The following NOC3L variants were observed in gnomAD, a reference collection of about 807,000 sequenced individuals.
NOC3L encodes NOC3 like DNA replication regulator.
In NOC3L, 85 loss-of-function variants were observed where a neutral mutation model predicts 102.5. The ratio of observed to expected loss-of-function variants is 0.83; its 90% CI spans 0.70 to 0.99. The LOEUF (loss-of-function observed/expected upper bound fraction) is 0.99. Ranked by LOEUF, NOC3L falls within the 50% of genes least tolerant of loss-of-function variation. The probability of loss-of-function intolerance (pLI) is 0.00; values close to 1 mark genes in which losing one functional copy is unlikely to be tolerated. For synonymous variants in NOC3L, 303 were observed against 309.4 expected (o/e 0.98, Z 0.22); for missense variants, 878 against 914.9 (o/e 0.96, Z 0.52).
At chr10:94,335,378 G>A (rs1360937029) in intron 19 of NOC3L, among the ~76,000 whole-genome samples, 1 of 151,924 alleles carries the variant, frequency 6.6e-6, no homozygotes, top group African/African-American at 2.4e-5. Context: ...AAACTGCTAA[G>A]GAAAACATGC....
At chr10:94,337,004 G>A (rs1408735939) in intron 19 of NOC3L, among the ~76,000 whole-genome samples, 2 of 151,372 alleles carry the variant, frequency 1.3e-5, no homozygotes, top group African/African-American at 4.9e-5. Flanking sequence ...GGGAGGCGGA[G>A]GTTGCAGTGA....
intron 16 of NOC3L, 63 bp downstream of exon 16, chr10:94,340,213 G>T: frequency 2.3e-6 from 3 of 1,326,862 alleles, no homozygotes; most frequent in South Asian, 1.3e-5. Context: ...CTACAATGAT[G>T]GGTCATAACA....
At chr10:94,351,856 T>C (rs1355469078) in intron 8 of NOC3L, among the ~76,000 whole-genome samples, 2 of 152,134 alleles carry the variant, frequency 1.3e-5, no homozygotes, top group Non-Finnish European at 2.9e-5. Flanking sequence ...CTGACTACCA[T>C]GCCTCCAAAT....
chr10:94,357,476 T>C (rs1211884572), intron 3 of NOC3L, 145 bp from the exon 4 acceptor site: 7 of 489,634 alleles, frequency 1.4e-5, no homozygotes, highest in South Asian at 1.7e-4. Flanking sequence ...GTCTGGCACA[T>C]AGCAGGCACT....
At chr10:94,350,072 T>A in intron 9 of NOC3L, 41 bp downstream of exon 9, 1 of 1,603,926 alleles carries the variant, frequency 6.2e-7, no homozygotes, top group Non-Finnish European at 8.5e-7. Flanking sequence ...TGGTGTATAA[T>A]TTTCTAAGGA....
the NOC3L span, chr10:94,325,302 A>G: frequency 5.6e-5 from 30 of 531,200 alleles, no homozygotes; most frequent in South Asian, 5.9e-4. Context: ...CCGCCTATAA[A>G]GAAAAAGGGA....
intron 19 of NOC3L, 88 bp from the exon 20 acceptor site, chr10:94,334,806 C>G (rs1382624774): frequency 1.1e-6 from 1 of 933,544 alleles, no homozygotes; most frequent in Non-Finnish European, 1.7e-6. Flanking sequence ...ATGATTCATT[C>G]TTAACCCATA....
chr10:94,360,917 C>A (rs997644074), intron 2 of NOC3L, among the ~76,000 whole-genome samples: 2 of 151,736 alleles, frequency 1.3e-5, no homozygotes, highest in Admixed American at 1.3e-4. Flanking sequence ...GAGGCTGAAG[C>A]AGGAGGACTG....
chr10:94,356,146 G>A (rs78196356), intron 5 of NOC3L, among the ~76,000 whole-genome samples: 1,559 of 152,292 alleles, frequency 0.01, 19 homozygotes, highest in Non-Finnish European at 0.018. Context: ...ACATATGCAA[G>A]TATAATTGTG....
intron 2 of NOC3L, chr10:94,361,297 C>A: frequency 5.1e-6 from 1 of 196,860 alleles, no homozygotes; most frequent in East Asian, 1.3e-4. Flanking sequence ...AAGAATGAAC[C>A]AGAGACAAGC....
Position 94,361,830 on chromosome 10 carries a change from T to G in NOC3L, c.52A>C (p.Lys18Gln), listed in dbSNP as rs545895087. The change falls in exon 2 of 21, where the codon AAA (lysine) becomes CAA (glutamine). Residue 18 changes from lysine (K) to glutamine (Q), a missense_variant. Lys to Gln is a moderately conservative substitution (Grantham distance 53). Transcript: ENST00000371361. The part of the protein sequence containing the change: ...KQIPSFRKLI[K>Q]TSKVKLENKL... ...TTTTCAAGTTTGACTTTACTAGTTT[T>G]TATTAACTTGCGAAAGCTTGGGATC... The G allele has an allele frequency of 3.3e-5, 53 of 1,613,594 alleles. No homozygotes were observed. Among genetic ancestry groups the G allele is most frequent in the Admixed American group, 5.0e-5 (3 of 60,000 alleles).
the NOC3L span, chr10:94,324,326 G>A: frequency 1.9e-6 from 3 of 1,573,684 alleles, no homozygotes; most frequent in African/African-American, 4.1e-5. Context: ...TCTTTATTCA[G>A]TTGATCATAA....
intron 12 of NOC3L, 118 bp from the exon 13 acceptor site, chr10:94,344,633 C>G (rs529288640): frequency 2.8e-6 from 2 of 721,062 alleles, no homozygotes; most frequent in South Asian, 3.8e-5. Context: ...CCCCACAATG[C>G]AATCTTTGAA....
chr10:94,325,131 G>T, the NOC3L span: 4 of 1,492,846 alleles, frequency 2.7e-6, no homozygotes, highest in South Asian at 3.4e-5. Context: ...CACCATCCTG[G>T]AACAGGGCTT....
chr10:94,349,349 C>A lies in NOC3L; in HGVS notation c.1158G>T (p.Lys386Asn). 6.3e-7 allele frequency: 1 copy of A among 1,579,544 alleles called. No individual in the cohort carries two copies. Among genetic ancestry groups the A allele is most frequent in the Non-Finnish European group, 8.5e-7 (1 of 1,171,076 alleles). ...CTAATTTATCTTGCTTAAAGAGTTT[C>A]TTCACAGCTTCACAACACATTTCAG... ...LISEMCCEAV[K>N]KLFKQDKLGQ... The change falls in exon 10 of 21, where the codon AAG becomes AAT. Residue 386 changes from lysine to asparagine, a missense_variant. Physicochemically the swap from Lys to Asn is moderately conservative, Grantham distance 94. Coordinates refer to ENST00000371361, the MANE Select transcript of NOC3L (RefSeq NM_022451.11).
chr10:94,339,119 A>C (rs180765999), intron 17 of NOC3L, among the ~76,000 whole-genome samples: 8 of 152,332 alleles, frequency 5.3e-5, no homozygotes, highest in Admixed American at 5.2e-4. Flanking sequence ...AAAGAAGCAG[A>C]AAAACCAGAC....
intron 2 of NOC3L, 139 bp downstream of exon 2, chr10:94,361,526 C>T: frequency 2.8e-6 from 2 of 720,422 alleles, no homozygotes; most frequent in South Asian, 3.5e-5. Context: ...TATAGCAGTC[C>T]TATAGGACTA....
rs768266309 is a variant in NOC3L, at chr10:94,340,515, G to A, written c.1645-19C>T. On this transcript the variant is annotated intron_variant, in intron 14 of 20. Coordinates refer to ENST00000371361, the MANE Select transcript of NOC3L (RefSeq NM_022451.11). ...TTAGGTCCTTTAAAAAAAAAAGGGG[G>A]GGGTGAGGGGGATGGAATATTAAGA... The A allele has an allele frequency of 1.6e-6, 2 of 1,276,398 alleles. No individual in the cohort carries two copies. The highest frequency in any genetic ancestry group is 2.2e-6 in the Non-Finnish European group (2 of 915,164). 79.1% of individuals were successfully genotyped at this position (1,276,398 alleles called of 1,614,324 possible). A position where few individuals can be genotyped will look rare whatever the true frequency, so the allele number is the denominator to read the frequency against.
chr10:94,356,482 A>G, intron 5 of NOC3L, 53 bp downstream of exon 5: 1 of 1,077,094 alleles, frequency 9.3e-7, no homozygotes, highest in Non-Finnish European at 1.4e-6. Context: ...CACATTTACT[A>G]TTATGCAAAA....
Sources: allele counts gnomAD v4.1 joint callset (sites outside exome capture counted in the v4.1 genomes callset), GRCh38; gene constraint gnomAD v4.1.1; transcripts MANE v1.5; gene names NCBI Gene and HGNC (gene_info 2026-07-23, HGNC 2026-07-21).